NID1: variants seen among roughly 807,000 people sequenced by gnomAD.
NID1 encodes the protein nidogen-1.
Under a neutral mutation model 130.6 loss-of-function variants are expected in NID1, and 76 were observed. The observed-to-expected ratio is 0.58, with a 90% CI of 0.48 to 0.70. The LOEUF (loss-of-function observed/expected upper bound fraction) is 0.70. NID1 is among the 30% of genes least tolerant of loss of function. The pLI is 0.00. For synonymous variants in NID1, 665 were observed against 675.1 expected (o/e 0.98, Z 0.23); for missense variants, 1,517 against 1,664.8 (o/e 0.91, Z 1.54).
chr1:236,045,675 C>A lies in NID1; in HGVS notation c.534G>T (p.Thr178=), dbSNP rs761311509. The part of the protein sequence containing the change: ...RDPDQKGKRN[T]FQAVLASSDS... ...CAGAGGAGGCTAGAACAGCCTGGAA[C>A]GTGTTTCTCTGTGAAGATGAGTTAA... The change falls in exon 3 of 20, where the codon ACG becomes ACT. Residue 178 remains threonine (T), a synonymous_variant. Coordinates refer to ENST00000264187, the MANE Select transcript of NID1 (RefSeq NM_002508.3). The A allele has an allele frequency of 6.2e-7, 1 of 1,609,858 alleles. No homozygotes were observed. The highest frequency in any genetic ancestry group is 8.5e-7 in the Non-Finnish European group (1 of 1,178,044).
rs982164810 is a variant in NID1 at position 236,043,688 on chromosome 1, C to T, written c.753-1396G>A. On this transcript the variant is annotated intron_variant, in intron 3 of 19. Transcript: ENST00000264187. ...TGGTGGGCGCCTGTAGTCCCAGCTG[C>T]TCGGGACGCTGAAGCAGGAGAATGG... is the stretch of plus-strand genomic sequence containing the variant. 1.4e-4 allele frequency among the ~76,000 whole-genome samples: 22 copies of T among 152,104 alleles called. 1 individual carries two copies. The highest frequency in any genetic ancestry group is 1.0e-4 in the Non-Finnish European group (7 of 68,016).
chr1:236,057,226 T>G (rs1021996346), intron 1 of NID1, among the ~76,000 whole-genome samples: 2 of 152,140 alleles, frequency 1.3e-5, no homozygotes, highest in Admixed American at 1.3e-4. Context: ...GCCACTGCAC[T>G]CCGGCCTGGG....
intron 10 of NID1, among the ~76,000 whole-genome samples, chr1:236,016,348 A>G (rs1471267042): frequency 6.6e-6 from 1 of 152,164 alleles, no homozygotes; most frequent in African/African-American, 2.4e-5. Flanking sequence ...AGCAAAAAGA[A>G]AACATTCTAG....
intron 1 of NID1, among the ~76,000 whole-genome samples, chr1:236,063,942 G>A (rs908539519): frequency 1.3e-5 from 2 of 152,208 alleles, no homozygotes; most frequent in African/African-American, 4.8e-5. Context: ...CAAGTTCCAC[G>A]TGAGTGTTGT....
chr1:236,045,274 C>T (rs1429481791), intron 3 of NID1, among the ~76,000 whole-genome samples, 183 bp downstream of exon 3: 1 of 148,826 alleles, frequency 6.7e-6, no homozygotes, highest in Admixed American at 6.7e-5. Flanking sequence ...AATAGGATAT[C>T]TGTTCATTCT....
At chr1:236,026,514 T>C (rs900196960) in intron 7 of NID1, among the ~76,000 whole-genome samples, 3 of 152,172 alleles carry the variant, frequency 2.0e-5, no homozygotes, top group African/African-American at 7.2e-5. Flanking sequence ...ACAAGCTGTG[T>C]GGCCACTGGC....
At chr1:236,028,469 C>T (rs1659002431) in intron 7 of NID1, among the ~76,000 whole-genome samples, 1 of 152,164 alleles carries the variant, frequency 6.6e-6, no homozygotes, top group Non-Finnish European at 1.5e-5. Flanking sequence ...GACTGCACCA[C>T]TGCACTCCAG....
intron 3 of NID1, among the ~76,000 whole-genome samples, chr1:236,044,253 GAA>G (rs1003330059): frequency 3.3e-5 from 5 of 152,064 alleles, no homozygotes; most frequent in African/African-American, 7.2e-5. Flanking sequence ...AAAGTTTTAG[GAA>G]TTTTGCAAGC....
rs137908509 is a variant in NID1 at position 236,032,501 on chromosome 1, G to T, written c.1437C>A (p.Thr479=). 5 of 1,614,160 alleles carry T rather than the reference G, an allele frequency of 3.1e-6. No homozygotes were observed. The South Asian group carries it at 5.5e-5, about 18-fold the overall frequency. The stretch of plus-strand genomic sequence containing the variant: ...CCAGTGGAAGCAGAGAATATCCAAC[G>T]GTCTCGGGAATGGTGCTGATGGCTG... ...SYTAISTIPE[T]VGYSLLPLAP... is the part of the protein sequence containing the mutation. Residue 479 remains threonine (T), a synonymous_variant, in exon 6 of 20, where the codon ACC becomes ACA. Transcript: ENST00000264187.
At chr1:235,991,784 C>T (rs1466032463) in intron 13 of NID1, among the ~76,000 whole-genome samples, 2 of 152,288 alleles carry the variant, frequency 1.3e-5, no homozygotes, top group East Asian at 1.9e-4. Flanking sequence ...CACAGGGAGC[C>T]AGGTTCTAGT....
In NID1 at chr1:236,003,103, G is replaced by A. The variant is rs935090073; in HGVS notation, c.2527+8818C>T. 6.0e-5 allele frequency among the ~76,000 whole-genome samples: 9 copies of A among 149,594 alleles called. 1 individual carries two copies. The highest frequency in any genetic ancestry group is 7.4e-5 in the Non-Finnish European group (5 of 67,188). Reference sequence around the variant, plus strand: ...GTGGTAGTTGTCACTCCTAGTGAACGACTGGTAGTTGTCACTCCTAGTGAA... The same window carrying A: ...GTGGTAGTTGTCACTCCTAGTGAACAACTGGTAGTTGTCACTCCTAGTGAA... On this transcript the variant is annotated intron_variant, in intron 12 of 19. Transcript: ENST00000264187.
intron 1 of NID1, among the ~76,000 whole-genome samples, chr1:236,063,435 A>G (rs1660096827): frequency 6.6e-6 from 1 of 150,792 alleles, no homozygotes; most frequent in South Asian, 2.1e-4. Context: ...TTGTGCCACT[A>G]AACTCCAGGC....
intron 19 of NID1, 129 bp downstream of exon 19, chr1:235,978,866 T>C: frequency 1.6e-6 from 1 of 642,842 alleles, no homozygotes; most frequent in Non-Finnish European, 2.8e-6. Flanking sequence ...AGACCCTGGA[T>C]GCAAAGGACT....
At chr1:236,012,155 G>T (rs1179895899) in intron 11 of NID1, 112 bp from the exon 12 acceptor site, 2 of 1,330,424 alleles carry the variant, frequency 1.5e-6, no homozygotes, top group Non-Finnish European at 2.1e-6. Context: ...TCTGATCTGG[G>T]AACAGTAATC....
At chr1:236,024,242 T>C in intron 8 of NID1, 29 bp from the exon 9 acceptor site, 1 of 1,612,842 alleles carries the variant, frequency 6.2e-7, no homozygotes, top group Non-Finnish European at 8.5e-7. Flanking sequence ...TGGAACCAAG[T>C]GAGTCTTCAG....
chr1:236,063,491 T>TAA (rs201821690), intron 1 of NID1, among the ~76,000 whole-genome samples: 2,040 of 149,082 alleles, frequency 0.014, 37 homozygotes, highest in African/African-American at 0.047. Flanking sequence ...AATAAATAAA[T>TAA]AAATAAATAA....
intron 7 of NID1, among the ~76,000 whole-genome samples, chr1:236,028,740 A>G (rs1313864803): frequency 6.6e-6 from 1 of 152,086 alleles, no homozygotes; most frequent in Non-Finnish European, 1.5e-5. Context: ...AGAATGGTAA[A>G]GTAAATGTGG....
At chr1:236,057,594 G>A (rs1303866495) in intron 1 of NID1, among the ~76,000 whole-genome samples, 1 of 151,670 alleles carries the variant, frequency 6.6e-6, no homozygotes, top group Admixed American at 6.6e-5. Context: ...GCCGGGCGTG[G>A]TCATGCACAC....
Position 236,028,673 on chromosome 1 carries a change from A to G in NID1, c.1738+877T>C, listed in dbSNP as rs571756861. Among the ~76,000 whole-genome samples the G allele has an allele frequency of 1.1e-4, 17 of 149,910 alleles. No individual in the cohort carries two copies. In the South Asian group the frequency reaches 3.2e-3, roughly 28 times the overall value. ...ATCATGATATATACAACTTATTCTC[A>G]AATGGTCAGTATACATATATATATA... On this transcript the variant is annotated intron_variant, in intron 7 of 19. Coordinates refer to ENST00000264187, the MANE Select transcript of NID1 (RefSeq NM_002508.3).
Sources: gnomAD v4.1 joint callset for allele counts (sites outside exome capture counted in the v4.1 genomes callset) on GRCh38, gnomAD v4.1.1 for gene constraint, MANE v1.5 for transcripts, NCBI Gene and HGNC (gene_info 2026-07-23, HGNC 2026-07-21) for gene names.